Variants in BORA observed in about 807,000 individuals in gnomAD.
The protein encoded by BORA is BORA aurora kinase A activator, also known as protein aurora borealis.
BORA carries 26 observed loss-of-function variants against 55.8 expected under a neutral mutation model. The observed-to-expected ratio is 0.47, with a 90% confidence interval of 0.34 to 0.65. BORA has a LOEUF of 0.65. BORA is among the 30% of genes least tolerant of loss of function. BORA has a pLI of 0.01. For missense variants in BORA, 568 were observed against 671.5 expected (o/e 0.85, Z 1.70); for synonymous variants, 201 against 216.9 (o/e 0.93, Z 0.64).
intron 5 of BORA, 60 bp downstream of exon 5, chr13:72,738,103 A>T (rs2032967654): frequency 7.8e-7 from 1 of 1,274,764 alleles, no homozygotes. Context: ...ATAAAGCAAC[A>T]TATCATGAAG....
At chr13:72,751,639 G>A (rs935979180) in intron 10 of BORA, among the ~76,000 whole-genome samples, 2 of 152,164 alleles carry the variant, frequency 1.3e-5, no homozygotes, top group African/African-American at 4.8e-5. Flanking sequence ...GGATACAAAA[G>A]TACAGCTCGA....
Position 72,727,998 on chromosome 13 carries a change from G to A in BORA, c.-25G>A. 6.5e-7 allele frequency: 1 copy of A among 1,527,658 alleles called. No homozygotes were observed. Among genetic ancestry groups the A allele is most frequent in the Non-Finnish European group, 8.8e-7 (1 of 1,138,272 alleles). 94.6% of individuals were successfully genotyped at this position (1,527,658 alleles called of 1,614,324 possible). On this transcript the variant is annotated 5_prime_UTR_variant, in exon 1 of 12. Coordinates refer to ENST00000390667, the MANE Select transcript of BORA (RefSeq NM_024808.5). ...GAGTCGGTACTGGGGGCTTCGTTTT[G>A]TACGCACCGGTAGGTACGCTCTTTG...
chr13:72,755,176 G>A lies in BORA; in HGVS notation c.1640G>A (p.Trp547Ter). 6.2e-7 allele frequency: 1 copy of A among 1,613,760 alleles called. No individual in the cohort carries two copies. The highest frequency in any genetic ancestry group is 8.5e-7 in the Non-Finnish European group (1 of 1,179,852). ...CAAGACCACACAACACAGAGGTGTTGGATGAAAACAGCAAGCCCTTTTCAA... is the reference window on the plus strand; with the variant it reads ...CAAGACCACACAACACAGAGGTGTTAGATGAAAACAGCAAGCCCTTTTCAA... ...MKQDHTTQRC[W>*]MKTASPFQCS... The change falls in exon 12 of 12, where the codon TGG (tryptophan) becomes TAG (stop). Residue 547 changes from tryptophan (W) to a stop codon, truncating the protein, a stop_gained. Coordinates refer to ENST00000390667, the MANE Select transcript of BORA (RefSeq NM_024808.5). LOFTEE classifies it high-confidence loss of function.
chr13:72,746,364 C>T (rs2033141902), intron 9 of BORA, 137 bp from the exon 10 acceptor site: 1 of 1,082,582 alleles, frequency 9.2e-7, no homozygotes, highest in African/African-American at 1.6e-5. Context: ...TTTGACATCA[C>T]AATTTCACTT....
intron 1 of BORA, among the ~76,000 whole-genome samples, 160 bp from the exon 2 acceptor site, chr13:72,728,765 AT>A (rs1306203371): frequency 6.6e-6 from 1 of 152,236 alleles, no homozygotes; most frequent in Non-Finnish European, 1.5e-5. Context: ...AGTTGAGAAC[AT>A]TTATATGTGA....
chr13:72,731,211 C>T lies in BORA; in HGVS notation c.154-70C>T, dbSNP rs934685022. ...TATTATAACCATTCATATTATTTCT[C>T]ACATAGGTTAGCATTTTGATGAACT... On this transcript the variant is annotated intron_variant, in intron 2 of 11. Transcript: ENST00000390667. The T allele has an allele frequency of 6.9e-6, 6 of 875,172 alleles. No individual in the cohort carries two copies. In the East Asian group the frequency reaches 1.5e-4, roughly 22 times the overall value. 54.2% of individuals were successfully genotyped at this position (875,172 alleles called of 1,614,324 possible).
At chr13:72,753,324 A>G (rs891726234) in intron 10 of BORA, 1 of 166,764 alleles carries the variant, frequency 6.0e-6, no homozygotes, top group Non-Finnish European at 1.3e-5. Flanking sequence ...AGCATGCCTC[A>G]AGCCATTTAG....
intron 5 of BORA, among the ~76,000 whole-genome samples, chr13:72,741,499 T>C (rs747452975): frequency 6.6e-6 from 1 of 152,210 alleles, no homozygotes; most frequent in Admixed American, 6.5e-5. Context: ...ACCTTACATA[T>C]TGTGGTTATA....
At position 72,746,688 on chromosome 13, in the gene BORA, T is replaced by C. The variant is rs2033154086; in HGVS notation, c.1059T>C (p.Phe353=). ...GGACCTCAGTGATTCAGATACCTTT[T>C]ACTCTTGAGACTCAAGGTGAAGATG... is the stretch of plus-strand genomic sequence containing the variant. ...QYRTSVIQIP[F]TLETQGEDEE... The change falls in exon 10 of 12, where the codon TTT becomes TTC. Residue 353 remains phenylalanine (F), a synonymous_variant. Coordinates refer to ENST00000390667, the MANE Select transcript of BORA (RefSeq NM_024808.5). 6.2e-7 allele frequency: 1 copy of C among 1,614,144 alleles called. No individual in the cohort carries two copies. Among genetic ancestry groups the C allele is most frequent in the Non-Finnish European group, 8.5e-7 (1 of 1,179,980 alleles).
At chr13:72,751,765 G>A (rs769971573) in intron 10 of BORA, among the ~76,000 whole-genome samples, 1 of 152,316 alleles carries the variant, frequency 6.6e-6, no homozygotes, top group East Asian at 1.9e-4. Context: ...AATGATAAAT[G>A]TTTGAGTTAA....
chr13:72,756,175 G>GAATAATCATATGTACCCTTAGGA lies in BORA; in HGVS notation c.*964_*965insTCATATGTACCCTTAGGAAATAA. 2.7e-6 allele frequency: 1 copy of GAATAATCATATGTACCCTTAGGA among 375,442 alleles called. No individual in the cohort carries two copies. The allele number at this position is 375,442 out of a possible 1,614,324, so 23.3% of individuals were successfully genotyped here. ...TTTAAAAACTGTCTCATTCAAAAGG[G>GAATAATCATATGTACCCTTAGGA]AATAAAGACCTGTGTTATCAATGTG... On this transcript the variant is annotated 3_prime_UTR_variant, in exon 12 of 12. Transcript: ENST00000390667.
At position 72,755,969 on chromosome 13, in the gene BORA, T is replaced by C. The variant is rs1324564306; in HGVS notation, c.*753T>C. The C allele has an allele frequency of 2.5e-6, 1 of 398,316 alleles. No homozygotes were observed. Among genetic ancestry groups the C allele is most frequent in the Non-Finnish European group, 4.4e-6 (1 of 226,040 alleles). 24.7% of individuals were successfully genotyped at this position (398,316 alleles called of 1,614,324 possible). Reference sequence around the variant, plus strand: ...AATGTGGGAGAACCAAGAGAAAAAGTGGGGCTGGGAGAGTGGAGTTCCCGT... The same window carrying C: ...AATGTGGGAGAACCAAGAGAAAAAGCGGGGCTGGGAGAGTGGAGTTCCCGT... On this transcript the variant is annotated 3_prime_UTR_variant, in exon 12 of 12. Transcript: ENST00000390667.
At chr13:72,743,773 G>C (rs1414111734) in intron 6 of BORA, among the ~76,000 whole-genome samples, 171 bp downstream of exon 6, 1 of 151,040 alleles carries the variant, frequency 6.6e-6, no homozygotes, top group Non-Finnish European at 1.5e-5. Flanking sequence ...ACCCAGGCTG[G>C]AGTGCAGTGG....
rs2033116648 is a variant in BORA at position 72,745,200 on chromosome 13, C to T, written c.731C>T (p.Pro244Leu). 1 of 1,612,190 alleles carries T rather than the reference C, an allele frequency of 6.2e-7. No homozygotes were observed. Among genetic ancestry groups the T allele is most frequent in the Non-Finnish European group, 8.5e-7 (1 of 1,178,526 alleles). ...AAGTGTAGGAGCCCCTTGCAGACAC[C>T]AAGTTCGGTGAGAAGTATACTAAAA... Reference protein sequence around the residue: ...PVKCRSPLQTPSSGQFSSSPI... With the variant: ...PVKCRSPLQTLSSGQFSSSPI... The change falls in exon 8 of 12, where the codon CCA becomes CTA. Residue 244 changes from proline to leucine, a missense_variant. Transcript: ENST00000390667.
chr13:72,750,788 C>A (rs1019482251), intron 10 of BORA, among the ~76,000 whole-genome samples: 1 of 152,052 alleles, frequency 6.6e-6, no homozygotes, highest in Non-Finnish European at 1.5e-5. Flanking sequence ...TAATAGATAT[C>A]GTCATCTGTC....
chr13:72,750,656 T>C (rs2033252347), intron 10 of BORA, among the ~76,000 whole-genome samples: 2 of 151,672 alleles, frequency 1.3e-5, no homozygotes, highest in Non-Finnish European at 2.9e-5. Context: ...AAACTAGGAG[T>C]TGGGCAGCAT....
chr13:72,742,786 AC>A (rs2033061747), intron 5 of BORA, among the ~76,000 whole-genome samples: 1 of 119,320 alleles, frequency 8.4e-6, no homozygotes, highest in East Asian at 3.0e-4. Context: ...ACACACACAC[AC>A]ACACACACAC....
rs575658096 is a variant in BORA, at chr13:72,749,362, A to G, written c.1482+2251A>G. 1.5e-4 allele frequency among the ~76,000 whole-genome samples: 23 copies of G among 152,238 alleles called. 2 individuals are homozygous for G. The South Asian group carries it at 4.8e-3, about 32-fold the overall frequency. On this transcript the variant is annotated intron_variant, in intron 10 of 11. Coordinates refer to ENST00000390667, the MANE Select transcript of BORA (RefSeq NM_024808.5). Reference sequence around the variant, plus strand: ...TAATGCGGGTTTCTTTCCATCCATTATACTCTTCACTCAGAATGCCCTTAC... The same window carrying G: ...TAATGCGGGTTTCTTTCCATCCATTGTACTCTTCACTCAGAATGCCCTTAC...
intron 2 of BORA, among the ~76,000 whole-genome samples, 191 bp downstream of exon 2, chr13:72,729,284 AT>A (rs11358027): frequency 0.88 from 131,360 of 149,984 alleles, 59,522 homozygotes; most frequent in Non-Finnish European, 0.98. Context: ...TAGCTAGAAG[AT>A]TTTTTTTTTT....
Sources: gnomAD v4.1 joint callset for allele counts (sites outside exome capture counted in the v4.1 genomes callset) on GRCh38, gnomAD v4.1.1 for gene constraint, MANE v1.5 for transcripts, NCBI Gene and HGNC (gene_info 2026-07-23, HGNC 2026-07-21) for gene names.